Variants in ZNF804A observed in about 807,000 individuals in gnomAD.
ZNF804A encodes the protein zinc finger protein 804A.
A neutral mutation model predicts 16.5 loss-of-function variants in ZNF804A; 2 were observed. The observed-to-expected ratio is 0.12, with a 90% CI of 0.05 to 0.38. The LOEUF (loss-of-function observed/expected upper bound fraction) is 0.38, where lower values mean the gene tolerates loss of function less well. Ranked by LOEUF, ZNF804A falls within the 10% of genes least tolerant of loss-of-function variation. The pLI, the probability that ZNF804A is intolerant of heterozygous loss-of-function variation, is 0.99. For missense variants in ZNF804A, 1,473 were observed against 1,390.7 expected, an observed-to-expected ratio of 1.06 and a Z score of -0.94; for synonymous variants, 534 against 489.6, an observed-to-expected ratio of 1.09 and a Z score of -1.20.
chr2:184,809,988 T>TA (rs1224666838), intron 1 of ZNF804A, among the ~76,000 whole-genome samples: 12 of 152,186 alleles, frequency 7.9e-5, no homozygotes, highest in African/African-American at 2.9e-4. Flanking sequence ...TAATTTTCAA[T>TA]AAATGTTTGA....
intron 1 of ZNF804A, among the ~76,000 whole-genome samples, chr2:184,798,052 G>GTGTGTGTGTGTT (rs1553479480): frequency 2.0e-5 from 3 of 147,424 alleles, no homozygotes; most frequent in African/African-American, 7.6e-5. Context: ...GTGTGTGTGT[G>GTGTGTGTGTGTT]TGAAGATAGG....
Position 184,939,411 on chromosome 2 carries a change from T to C in ZNF804A, c.*385T>C, listed in dbSNP as rs1685857783. On this transcript the variant is annotated 3_prime_UTR_variant, in exon 4 of 4. Coordinates refer to ENST00000302277, the MANE Select transcript of ZNF804A (RefSeq NM_194250.2). ...TGTTTAGACAAAGCTGATGGCACTA[T>C]GTTTTGTATCATGTTCCTTGAAACT... 1 of 156,506 alleles carries C rather than the reference T, an allele frequency of 6.4e-6. No individual in the cohort carries two copies. Among genetic ancestry groups the C allele is most frequent in the Non-Finnish European group, 1.4e-5 (1 of 70,694 alleles). The allele number at this position is 156,506 out of a possible 1,614,324, so 9.7% of individuals were successfully genotyped here.
chr2:184,626,467 A>G (rs1574137168), intron 1 of ZNF804A, among the ~76,000 whole-genome samples: 2 of 152,306 alleles, frequency 1.3e-5, no homozygotes, highest in African/African-American at 2.4e-5. Context: ...ATAAACTTAA[A>G]TAATTTGGAA....
intron 2 of ZNF804A, among the ~76,000 whole-genome samples, chr2:184,891,998 G>T (rs13429132): frequency 0.14 from 21,118 of 152,078 alleles, 1,572 homozygotes; most frequent in Middle Eastern, 0.24. Context: ...ATAACAGAAA[G>T]AAATTACAAG....
Position 184,882,053 on chromosome 2 carries a change from G to A in ZNF804A, c.255+15541G>A, listed in dbSNP as rs187429636. On this transcript the variant is annotated intron_variant, in intron 2 of 3. Coordinates refer to ENST00000302277, the MANE Select transcript of ZNF804A (RefSeq NM_194250.2). The stretch of plus-strand genomic sequence containing the variant: ...GCTGGTTTCAAGAGATCCATCTCAC[G>A]TGCACTGACACACATACACTCAAAG... Among the ~76,000 whole-genome samples, 916 of 152,048 alleles carry A rather than the reference G, an allele frequency of 6.0e-3. 9 individuals carry two copies. The Middle Eastern group carries it at 0.061, about 10-fold the overall frequency.
At chr2:184,834,307 T>C (rs1203164698) in intron 1 of ZNF804A, among the ~76,000 whole-genome samples, 1 of 152,072 alleles carries the variant, frequency 6.6e-6, no homozygotes, top group East Asian at 1.9e-4. Flanking sequence ...ATATGTACCA[T>C]CATTCTTCAC....
chr2:184,809,022 A>T (rs1457761588), intron 1 of ZNF804A, among the ~76,000 whole-genome samples: 2 of 151,792 alleles, frequency 1.3e-5, no homozygotes, highest in African/African-American at 4.8e-5. Flanking sequence ...GCAATCAGAG[A>T]TCTAATGAAA....
At chr2:184,650,059 C>G (rs538069788) in intron 1 of ZNF804A, among the ~76,000 whole-genome samples, 1 of 151,940 alleles carries the variant, frequency 6.6e-6, no homozygotes, top group Non-Finnish European at 1.5e-5. Context: ...GACAAATCCT[C>G]GAGAAAATAC....
chr2:184,667,593 C>T (rs1174102693), intron 1 of ZNF804A, among the ~76,000 whole-genome samples: 3 of 151,714 alleles, frequency 2.0e-5, no homozygotes, highest in South Asian at 4.2e-4. Flanking sequence ...ATGAAAAGGG[C>T]CTTTCACTAT....
chr2:184,768,616 T>G (rs1191750566), intron 1 of ZNF804A, among the ~76,000 whole-genome samples: 2 of 152,046 alleles, frequency 1.3e-5, no homozygotes, highest in Non-Finnish European at 2.9e-5. Flanking sequence ...TTTTTAAGAA[T>G]TTTTCAAGTG....
At chr2:184,821,281 T>G (rs1441251297) in intron 1 of ZNF804A, among the ~76,000 whole-genome samples, 1 of 152,136 alleles carries the variant, frequency 6.6e-6, no homozygotes, top group African/African-American at 2.4e-5. Context: ...CCGTCTGAGC[T>G]GTGACAAACC....
intron 1 of ZNF804A, among the ~76,000 whole-genome samples, chr2:184,841,160 G>T (rs1012903393): frequency 2.6e-5 from 4 of 152,036 alleles, no homozygotes; most frequent in Non-Finnish European, 4.4e-5. Context: ...CTTTATACAA[G>T]CCCTAGAAAT....
intron 1 of ZNF804A, among the ~76,000 whole-genome samples, chr2:184,705,865 C>T (rs1326300907): frequency 6.6e-6 from 1 of 152,106 alleles, no homozygotes; most frequent in Non-Finnish European, 1.5e-5. Flanking sequence ...AGTTATTGAA[C>T]AACAGATTGA....
chr2:184,736,312 C>G (rs548967126), intron 1 of ZNF804A, among the ~76,000 whole-genome samples: 2 of 152,056 alleles, frequency 1.3e-5, no homozygotes, highest in Non-Finnish European at 2.9e-5. Context: ...ATTATTTGCT[C>G]TCTTTGATAT....
intron 1 of ZNF804A, among the ~76,000 whole-genome samples, chr2:184,703,035 G>GT (rs999335336): frequency 1.2e-4 from 18 of 151,936 alleles, no homozygotes; most frequent in African/African-American, 4.1e-4. Flanking sequence ...GGCTTCTTTT[G>GT]TTTTTTGCAG....
chr2:184,688,192 A>C (rs1344899552), intron 1 of ZNF804A, among the ~76,000 whole-genome samples: 1 of 152,058 alleles, frequency 6.6e-6, no homozygotes, highest in African/African-American at 2.4e-5. Flanking sequence ...TCATAGCATA[A>C]ATCATATATA....
At chr2:184,933,862 C>G in intron 3 of ZNF804A, 129 bp downstream of exon 3, 1 of 878,728 alleles carries the variant, frequency 1.1e-6, no homozygotes, top group South Asian at 2.1e-5. Flanking sequence ...GTTTTCATGG[C>G]CTTCTGTAGG....
At chr2:184,628,512 T>G (rs903541185) in intron 1 of ZNF804A, among the ~76,000 whole-genome samples, 17 of 152,144 alleles carry the variant, frequency 1.1e-4, no homozygotes, top group Admixed American at 3.3e-4. Flanking sequence ...AAAACAGACA[T>G]TTGTATCCAG....
chr2:184,936,990 C>G lies in ZNF804A; in HGVS notation c.1594C>G (p.Leu532Val), dbSNP rs1171798028. 4 of 1,613,704 alleles carry G rather than the reference C, an allele frequency of 2.5e-6. No individual in the cohort carries two copies. Among genetic ancestry groups the G allele is most frequent in the Middle Eastern group, 1.6e-4 (1 of 6,080 alleles). ...CACTCCTCTTTTGGCTGATGATATTCTCTCCAGTAGTTGTGATTCTGGAAA... is the reference window on the plus strand; with the variant it reads ...CACTCCTCTTTTGGCTGATGATATTGTCTCCAGTAGTTGTGATTCTGGAAA... ...QVTPLLADDI[L>V]SSSCDSGKNE... The change falls in exon 4 of 4, where the codon CTC becomes GTC. Residue 532 changes from leucine (L) to valine (V), a missense_variant. By Grantham distance (32) the Leu-to-Val change is conservative. Transcript: ENST00000302277.
Sources: gnomAD v4.1 joint callset for allele counts (sites outside exome capture counted in the v4.1 genomes callset) on GRCh38, gnomAD v4.1.1 for gene constraint, MANE v1.5 for transcripts, NCBI Gene and HGNC (gene_info 2026-07-23, HGNC 2026-07-21) for gene names.